The following SUMF1 variants were observed in gnomAD, a reference collection of about 807,000 sequenced individuals.
The protein encoded by SUMF1 is formylglycine-generating enzyme.
Under a neutral mutation model 47.6 loss-of-function variants are expected in SUMF1, and 48 were observed. That is an observed-to-expected ratio of 1.01 (90% CI 0.80 to 1.28). The LOEUF (loss-of-function observed/expected upper bound fraction) is 1.28. Ranked by LOEUF, SUMF1 falls within the 50% of genes most tolerant of loss-of-function variation. The pLI is 0.00. For missense variants in SUMF1, 571 were observed against 485.4 expected, an observed-to-expected ratio of 1.18 and a Z score of -1.66; for synonymous variants, 230 against 192.1, an observed-to-expected ratio of 1.20 and a Z score of -1.63.
chr3:4,132,749 G>A (rs542402092), intron 8 of SUMF1, among the ~76,000 whole-genome samples: 1 of 152,240 alleles, frequency 6.6e-6, no homozygotes, highest in Admixed American at 6.5e-5. Flanking sequence ...AGGCTAAGAA[G>A]GGAGTTACAG....
intron 7 of SUMF1, among the ~76,000 whole-genome samples, chr3:4,406,523 T>C (rs1279196915): frequency 5.9e-5 from 9 of 151,980 alleles, no homozygotes; most frequent in Non-Finnish European, 1.2e-4. Context: ...CTGGGTGTGG[T>C]AGCACGGGCA....
intron 8 of SUMF1, among the ~76,000 whole-genome samples, chr3:4,328,255 A>G (rs527469189): frequency 3.2e-4 from 48 of 152,054 alleles, no homozygotes; most frequent in Admixed American, 8.5e-4. Context: ...TAAATGAATA[A>G]AAATATTTAT....
chr3:4,419,699 T>C (rs545801038), intron 4 of SUMF1, among the ~76,000 whole-genome samples: 83 of 152,228 alleles, frequency 5.5e-4, no homozygotes, highest in Non-Finnish European at 1.1e-3. Flanking sequence ...TACTTATCCA[T>C]AAGACAGACG....
At chr3:4,411,463 AT>A (rs1455020775) in intron 6 of SUMF1, among the ~76,000 whole-genome samples, 1 of 152,184 alleles carries the variant, frequency 6.6e-6, no homozygotes, top group Non-Finnish European at 1.5e-5. Flanking sequence ...CCAACTCATC[AT>A]CTTACCTTAA....
chr3:4,463,775 C>A (rs1194732942), intron 1 of SUMF1, among the ~76,000 whole-genome samples: 1 of 152,178 alleles, frequency 6.6e-6, no homozygotes, highest in Non-Finnish European at 1.5e-5. Context: ...ATCCTAAATG[C>A]CTTTCAAATA....
chr3:4,050,570 C>A (rs192910768), intron 9 of SUMF1, among the ~76,000 whole-genome samples: 1 of 151,104 alleles, frequency 6.6e-6, no homozygotes, highest in East Asian at 2.0e-4. Flanking sequence ...AGCAAGACCC[C>A]GTCTCCACTA....
At chr3:4,282,563 C>G (rs310699) in intron 8 of SUMF1, among the ~76,000 whole-genome samples, 21,590 of 152,156 alleles carry the variant, frequency 0.14, 1,902 homozygotes, top group South Asian at 0.36. Context: ...ATGAATGGCT[C>G]TTAGACCACA....
chr3:4,431,344 C>A (rs1559295615), intron 3 of SUMF1, among the ~76,000 whole-genome samples: 1 of 152,240 alleles, frequency 6.6e-6, no homozygotes, highest in Non-Finnish European at 1.5e-5. Flanking sequence ...TGGTTTTCTA[C>A]ACTGCCATGC....
intron 8 of SUMF1, among the ~76,000 whole-genome samples, chr3:4,289,896 A>G (rs1697707222): frequency 6.6e-6 from 1 of 152,236 alleles, no homozygotes; most frequent in African/African-American, 2.4e-5. Context: ...CTAGCATCAA[A>G]TAAATTGTGT....
chr3:4,156,003 G>A (rs1440026469), intron 8 of SUMF1, among the ~76,000 whole-genome samples: 1 of 151,286 alleles, frequency 6.6e-6, no homozygotes, highest in Admixed American at 6.6e-5. Flanking sequence ...GTCTAGTTAG[G>A]AATTTTGTTT....
At chr3:4,344,065 T>C (rs919045794) in intron 8 of SUMF1, among the ~76,000 whole-genome samples, 1 of 152,370 alleles carries the variant, frequency 6.6e-6, no homozygotes, top group Non-Finnish European at 1.5e-5. Context: ...TAAGTTGTGA[T>C]TGACAGGCCA....
In SUMF1 at chr3:4,241,043, T is replaced by A. The variant is rs552716559; in HGVS notation, c.1014+135287A>T. ...CATTTATATGTGTAGAAAGCACATT[T>A]ATATCAGTAGAAAGTAATTAGTAGT... On this transcript the variant is annotated intron_variant and NMD_transcript_variant, in intron 8 of 12. Coordinates refer to the SUMF1 transcript ENST00000448413. 3.1e-4 allele frequency among the ~76,000 whole-genome samples: 47 copies of A among 152,264 alleles called. No homozygotes were observed. In the South Asian group the frequency reaches 9.3e-3, roughly 30 times the overall value.
At chr3:4,133,115 T>A (rs1358327574) in intron 8 of SUMF1, among the ~76,000 whole-genome samples, 5 of 152,180 alleles carry the variant, frequency 3.3e-5, no homozygotes, top group African/African-American at 1.2e-4. Flanking sequence ...GTAATTGTCA[T>A]GAGTACTTCC....
intron 8 of SUMF1, among the ~76,000 whole-genome samples, chr3:4,367,516 C>A (rs1427399071): frequency 2.6e-5 from 4 of 151,616 alleles, no homozygotes; most frequent in African/African-American, 4.8e-5. Context: ...AAAAAAGAGC[C>A]CGCATCACCA....
At chr3:4,431,623 C>T (rs551352517) in intron 3 of SUMF1, among the ~76,000 whole-genome samples, 1 of 152,266 alleles carries the variant, frequency 6.6e-6, no homozygotes, top group Admixed American at 6.5e-5. Context: ...AGCTTGGGAC[C>T]CACTGAATAT....
intron 8 of SUMF1, among the ~76,000 whole-genome samples, chr3:4,201,958 T>C (rs753052535): frequency 6.6e-6 from 1 of 152,088 alleles, no homozygotes. Flanking sequence ...ATTATTGGAT[T>C]TTTTTCCTAT....
At chr3:4,176,692 T>C (rs1694972701) in intron 8 of SUMF1, among the ~76,000 whole-genome samples, 1 of 152,064 alleles carries the variant, frequency 6.6e-6, no homozygotes, top group Non-Finnish European at 1.5e-5. Flanking sequence ...ATAACAACAT[T>C]AACCTTAAAT....
chr3:4,253,520 G>A (rs919964584), intron 8 of SUMF1, among the ~76,000 whole-genome samples: 4 of 151,632 alleles, frequency 2.6e-5, no homozygotes, highest in East Asian at 3.9e-4. Context: ...TGGAAAATCG[G>A]GTCACTCCCA....
intron 8 of SUMF1, among the ~76,000 whole-genome samples, chr3:4,287,626 T>G (rs1343548275): frequency 6.6e-6 from 1 of 152,200 alleles, no homozygotes; most frequent in Non-Finnish European, 1.5e-5. Flanking sequence ...CACAATCTAA[T>G]GTTGAAACCA....
Sources: gnomAD v4.1 joint callset for allele counts (sites outside exome capture counted in the v4.1 genomes callset) on GRCh38, gnomAD v4.1.1 for gene constraint, MANE v1.5 for transcripts, NCBI Gene and HGNC (gene_info 2026-07-23, HGNC 2026-07-21) for gene names.